Variants in SIN3B observed in about 807,000 individuals in gnomAD.
The protein encoded by SIN3B is paired amphipathic helix protein Sin3b.
SIN3B carries 19 observed loss-of-function variants against 120.2 expected under a neutral mutation model. The observed-to-expected ratio is 0.16, with a 90% CI of 0.11 to 0.23. The LOEUF is 0.23. Ranked by LOEUF, SIN3B falls within the 10% of genes least tolerant of loss-of-function variation. The pLI is 1.00. For missense variants in SIN3B, 1,073 were observed against 1,573.0 expected, an observed-to-expected ratio of 0.68 and a Z score of 5.38; for synonymous variants, 654 against 653.2, an observed-to-expected ratio of 1.00 and a Z score of -0.02.
intron 10 of SIN3B, among the ~76,000 whole-genome samples, chr19:16,864,415 A>T (rs1971732139): frequency 6.6e-6 from 1 of 151,656 alleles, no homozygotes; most frequent in Admixed American, 6.6e-5. Context: ...TGCAGCCTTG[A>T]CCTCCCAGGC....
intron 18 of SIN3B, 40 bp from the exon 19 acceptor site, chr19:16,878,457 T>G: frequency 6.4e-7 from 1 of 1,570,354 alleles, no homozygotes; most frequent in Non-Finnish European, 8.6e-7. Flanking sequence ...GCCCTGGGGG[T>G]CCAGCCCTCA....
chr19:16,858,455 A>G (rs746017473), intron 8 of SIN3B, among the ~76,000 whole-genome samples: 46 of 152,066 alleles, frequency 3.0e-4, no homozygotes, highest in Non-Finnish European at 6.5e-4. Flanking sequence ...CTGCTTTCAT[A>G]TCATCTTCCC....
At position 16,831,955 on chromosome 19, in the gene SIN3B, G is replaced by T. The variant is rs538931953; in HGVS notation, c.381+308G>T. On this transcript the variant is annotated intron_variant, in intron 3 of 18. Coordinates refer to ENST00000248054, the MANE Select transcript of SIN3B (RefSeq NM_001297595.2). ...CACCTCAGCAGTTGCTGAGGTCTTG[G>T]CTTGAGGCTTTCCCAGCGAGCATAC... 2.6e-5 allele frequency among the ~76,000 whole-genome samples: 4 copies of T among 152,256 alleles called. No homozygotes were observed. The South Asian group carries it at 6.2e-4, about 24-fold the overall frequency.
chr19:16,869,846 C>G lies in SIN3B; in HGVS notation c.2193C>G (p.Ala731=), dbSNP rs1261066786. 1 of 1,614,136 alleles carries G rather than the reference C, an allele frequency of 6.2e-7. No homozygotes were observed. Among genetic ancestry groups the G allele is most frequent in the Non-Finnish European group, 8.5e-7 (1 of 1,180,020 alleles). Residue 731 remains alanine (A), a synonymous_variant, in exon 13 of 19, where the codon GCC becomes GCG. Coordinates refer to ENST00000248054, the MANE Select transcript of SIN3B (RefSeq NM_001297595.2). ...ATEQPPLPPP[A]PHKPLDDVYS... ...AGCAGCCACCCCTGCCGCCCCCAGC[C>G]CCGCACAAGCCCCTGGACGATGTCT...
chr19:16,846,642 C>A (rs1490899147), intron 4 of SIN3B, among the ~76,000 whole-genome samples: 1 of 152,222 alleles, frequency 6.6e-6, no homozygotes, highest in Non-Finnish European at 1.5e-5. Context: ...CTACACTCCC[C>A]ATTTCCCTTG....
intron 3 of SIN3B, among the ~76,000 whole-genome samples, chr19:16,837,237 C>T (rs138576328): frequency 1.5e-3 from 229 of 151,916 alleles, no homozygotes; most frequent in African/African-American, 5.2e-3. Flanking sequence ...GAGCCAGGAG[C>T]GTGAGAACCA....
intron 8 of SIN3B, chr19:16,855,299 A>T (rs1971597050): frequency 6.8e-6 from 1 of 147,338 alleles, no homozygotes; most frequent in African/African-American, 2.5e-5. Flanking sequence ...ACCCCTGGCA[A>T]CTACTTATCT....
chr19:16,853,008 C>T (rs1273805380), intron 6 of SIN3B, 61 bp from the exon 7 acceptor site: 11 of 1,347,840 alleles, frequency 8.2e-6, no homozygotes, highest in East Asian at 2.3e-5. Flanking sequence ...TCTGTGACAG[C>T]GATGGACAGA....
At chr19:16,857,245 T>C (rs1305602476) in intron 8 of SIN3B, among the ~76,000 whole-genome samples, 1 of 152,200 alleles carries the variant, frequency 6.6e-6, no homozygotes, top group Non-Finnish European at 1.5e-5. Context: ...AAAGATTCAT[T>C]TGATGAATCT....
At chr19:16,847,401 G>T (rs1045379840) in intron 5 of SIN3B, among the ~76,000 whole-genome samples, 5 of 152,258 alleles carry the variant, frequency 3.3e-5, no homozygotes, top group African/African-American at 1.2e-4. Context: ...GGGCCCAGGG[G>T]TTCCACCTCC....
At chr19:16,871,160 G>A (rs1388935603) in intron 13 of SIN3B, 69 bp from the exon 14 acceptor site, 1 of 1,595,354 alleles carries the variant, frequency 6.3e-7, no homozygotes, top group Non-Finnish European at 8.6e-7. Flanking sequence ...GCTCTGTCAT[G>A]CCAGAGTTTG....
chr19:16,870,525 C>T (rs1291804732), intron 13 of SIN3B, among the ~76,000 whole-genome samples: 1 of 152,072 alleles, frequency 6.6e-6, no homozygotes, highest in Non-Finnish European at 1.5e-5. Context: ...GCTGGGATTA[C>T]AGGCGCTCAC....
intron 8 of SIN3B, among the ~76,000 whole-genome samples, chr19:16,857,584 A>G (rs1971634645): frequency 6.7e-6 from 1 of 148,974 alleles, no homozygotes; most frequent in South Asian, 2.1e-4. Flanking sequence ...TTTCTAATGT[A>G]AAATAAAGCA....
Position 16,876,292 on chromosome 19 carries a change from C to T in SIN3B, c.2766+64C>T, listed in dbSNP as rs1358986418. 1 of 1,548,642 alleles carries T rather than the reference C, an allele frequency of 6.5e-7. No homozygotes were observed. Among genetic ancestry groups the T allele is most frequent in the African/African-American group, 1.4e-5 (1 of 73,858 alleles). On this transcript the variant is annotated intron_variant, in intron 15 of 18. Coordinates refer to ENST00000248054, the MANE Select transcript of SIN3B (RefSeq NM_001297595.2). This position sits in a 1 kb window ranked among gnomAD's most constrained non-coding sequence, Gnocchi z 7.1. Reference sequence around the variant, plus strand: ...CCGGCCGCTCACTCCGCTCTGGACTCAGTCCTGGGTGGACCCTGGTTCAGC... The same window carrying T: ...CCGGCCGCTCACTCCGCTCTGGACTTAGTCCTGGGTGGACCCTGGTTCAGC...
rs571037508 is a variant in SIN3B at position 16,879,632 on chromosome 19, C to A, written c.*905C>A. Reference sequence around the variant, plus strand: ...GGCTGAGATCTCCCTTTGTGGAACTCCGAGAGCCGCCCTGACAGTCCCAGC... The same window carrying A: ...GGCTGAGATCTCCCTTTGTGGAACTACGAGAGCCGCCCTGACAGTCCCAGC... On this transcript the variant is annotated 3_prime_UTR_variant, in exon 19 of 19. Transcript: ENST00000248054. The A allele has an allele frequency of 6.6e-6, 1 of 152,318 alleles. No individual in the cohort carries two copies. The highest frequency in any genetic ancestry group is 1.5e-5 in the Non-Finnish European group (1 of 68,110). 9.4% of individuals were successfully genotyped at this position (152,318 alleles called of 1,614,324 possible).
intron 5 of SIN3B, 143 bp downstream of exon 5, chr19:16,847,256 C>T: frequency 2.4e-6 from 2 of 828,022 alleles, no homozygotes; most frequent in Non-Finnish European, 3.7e-6. Context: ...GTTGCAGATA[C>T]CCAGGGGTTC....
At chr19:16,849,292 C>T (rs928650908) in intron 5 of SIN3B, among the ~76,000 whole-genome samples, 5 of 152,222 alleles carry the variant, frequency 3.3e-5, no homozygotes, top group African/African-American at 1.2e-4. Context: ...ACAGGCTTTG[C>T]AGGCCAGTTG....
At chr19:16,863,570 A>G (rs1971718628) in intron 9 of SIN3B, 110 bp from the exon 10 acceptor site, 3 of 747,268 alleles carry the variant, frequency 4.0e-6, no homozygotes, top group Admixed American at 1.9e-5. Flanking sequence ...GGCAGTTGGT[A>G]TTATGTATCA....
At chr19:16,857,553 G>GTGTGTGTATATATA (rs66778532) in intron 8 of SIN3B, among the ~76,000 whole-genome samples, 6 of 139,446 alleles carry the variant, frequency 4.3e-5, no homozygotes, top group African/African-American at 1.6e-4. Context: ...GTGTGTGTGT[G>GTGTGTGTATATATA]TATATATACA....
Sources: allele counts gnomAD v4.1 joint callset (sites outside exome capture counted in the v4.1 genomes callset), GRCh38; gene constraint gnomAD v4.1.1; non-coding constraint Gnocchi (gnomAD v3.1); transcripts MANE v1.5; gene names NCBI Gene and HGNC (gene_info 2026-07-23, HGNC 2026-07-21).